ZNF141: variants seen among roughly 807,000 people sequenced by gnomAD.
The protein encoded by ZNF141 is zinc finger protein 141.
In ZNF141, 7 loss-of-function variants were observed where a neutral mutation model predicts 11.3. That is an observed-to-expected ratio of 0.62 (90% CI 0.35 to 1.16). The LOEUF (loss-of-function observed/expected upper bound fraction) is 1.16. Ranked by LOEUF, ZNF141 falls within the 50% of genes most tolerant of loss-of-function variation. The probability of loss-of-function intolerance (pLI) is 0.02; values close to 1 mark genes in which losing one functional copy is unlikely to be tolerated. For missense variants in ZNF141, 535 were observed against 554.0 expected, an observed-to-expected ratio of 0.97 and a Z score of 0.34; for synonymous variants, 183 against 190.7, an observed-to-expected ratio of 0.96 and a Z score of 0.33.
In ZNF141 at chr4:377,644, A is replaced by G. The variant is rs1274219383; in HGVS notation, c.*3782A>G. ...AGGTTATCAGTGCAACATTTAGATC[A>G]CTTGAGATAAGAGTAATTCACTATC... On this transcript the variant is annotated 3_prime_UTR_variant, in exon 4 of 4. Transcript: ENST00000240499. Among the ~76,000 whole-genome samples, 2 of 152,194 alleles carry G rather than the reference A, an allele frequency of 1.3e-5. No homozygotes were observed. Among genetic ancestry groups the G allele is most frequent in the African/African-American group, 2.4e-5 (1 of 41,438 alleles).
rs1008096150 is a variant in ZNF141 at position 337,839 on chromosome 4, C to G, written c.-145C>G. The G allele has an allele frequency of 2.7e-6, 3 of 1,105,368 alleles. No individual in the cohort carries two copies. Among genetic ancestry groups the G allele is most frequent in the African/African-American group, 3.2e-5 (2 of 63,224 alleles). 68.5% of individuals were successfully genotyped at this position (1,105,368 alleles called of 1,614,324 possible). ...GTCTTTGCGTCTGGCTACTACCAGA[C>G]CGCGGGTTAGGGGCTTCATCTCTCT... On this transcript the variant is annotated 5_prime_UTR_variant, in exon 1 of 4. Transcript: ENST00000240499.
rs570639890 is a variant in ZNF141, at chr4:378,835, A to ATTTTTT, written c.*4995_*5000dup. ...GTTGAATCCAAACAGTTTCTCAGTGATTTTTTTTTTTTTTTTTTTTTTTTT... is the reference window on the plus strand; with the variant it reads ...GTTGAATCCAAACAGTTTCTCAGTGATTTTTTTTTTTTTTTTTTTTTTTTTTTTTTT... On this transcript the variant is annotated 3_prime_UTR_variant, in exon 4 of 4. Coordinates refer to ENST00000240499, the MANE Select transcript of ZNF141 (RefSeq NM_003441.4). Among the ~76,000 whole-genome samples, 78 of 78,624 alleles carry ATTTTTT rather than the reference A, an allele frequency of 9.9e-4. 10 individuals are homozygous for ATTTTTT. Among genetic ancestry groups the ATTTTTT allele is most frequent in the South Asian group, 3.1e-3 (6 of 1,914 alleles). 51.6% of individuals were successfully genotyped at this position (78,624 alleles called of 152,430 possible).
intron 1 of ZNF141, among the ~76,000 whole-genome samples, chr4:339,267 C>T (rs530966762): frequency 6.6e-6 from 1 of 152,230 alleles, no homozygotes; most frequent in African/African-American, 2.4e-5. Flanking sequence ...CCCACCCAGG[C>T]TTTTGGACCA....
chr4:358,033 T>G (rs181442313), intron 3 of ZNF141, among the ~76,000 whole-genome samples: 5 of 152,026 alleles, frequency 3.3e-5, no homozygotes, highest in Admixed American at 2.0e-4. Context: ...TCTTTAAGTT[T>G]TAATTAGGAA....
intron 3 of ZNF141, among the ~76,000 whole-genome samples, chr4:362,555 A>G (rs1005230334): frequency 6.6e-5 from 10 of 152,304 alleles, no homozygotes; most frequent in Non-Finnish European, 1.5e-4. Flanking sequence ...TAATTTTTGT[A>G]TAAGGCGTAA....
chr4:344,435 G>C lies in ZNF141; in HGVS notation c.226+5G>C. On this transcript the variant is annotated splice_donor_5th_base_variant and intron_variant, in intron 3 of 3. Coordinates refer to ENST00000240499, the MANE Select transcript of ZNF141 (RefSeq NM_003441.4). ...AGATCGTAGCCAGACCCCCAGGTAG[G>C]TGAGAGTGAATGGAGGAGAGGGCAC... is the stretch of plus-strand genomic sequence containing the variant. The C allele has an allele frequency of 6.2e-7, 1 of 1,603,440 alleles. No homozygotes were observed. The highest frequency in any genetic ancestry group is 8.5e-7 in the Non-Finnish European group (1 of 1,172,754).
chr4:369,639 G>A (rs782607415), intron 3 of ZNF141, among the ~76,000 whole-genome samples: 5 of 143,944 alleles, frequency 3.5e-5, no homozygotes, highest in African/African-American at 1.3e-4. Flanking sequence ...CTTCCTGTTT[G>A]TCTTTTAGAT....
At chr4:365,797 C>T (rs552366135) in intron 3 of ZNF141, among the ~76,000 whole-genome samples, 7 of 152,160 alleles carry the variant, frequency 4.6e-5, no homozygotes, top group East Asian at 1.9e-4. Flanking sequence ...TCTTTATTTG[C>T]GATTGAGTTT....
chr4:369,767 T>TATATATATATATATA (rs1358374793), intron 3 of ZNF141, among the ~76,000 whole-genome samples: 1 of 66,278 alleles, frequency 1.5e-5, no homozygotes, highest in Non-Finnish European at 3.1e-5. Context: ...TATATATATT[T>TATATATATATATATA]TTTTTTTTTT....
chr4:373,561 C>G lies in ZNF141; in HGVS notation c.1124C>G (p.Ala375Gly). The G allele has an allele frequency of 6.2e-7, 1 of 1,613,312 alleles. No homozygotes were observed. The highest frequency in any genetic ancestry group is 8.5e-7 in the Non-Finnish European group (1 of 1,179,780). ...TACAAATGTGATGAATGTGGCAAAGCCTTTGGACGGTCCAGGGTCCTGAAT... is the reference window on the plus strand; with the variant it reads ...TACAAATGTGATGAATGTGGCAAAGGCTTTGGACGGTCCAGGGTCCTGAAT... ...RPYKCDECGK[A>G]FGRSRVLNEH... Residue 375 changes from alanine to glycine, a missense_variant, in exon 4 of 4, where the codon GCC becomes GGC. Coordinates refer to ENST00000240499, the MANE Select transcript of ZNF141 (RefSeq NM_003441.4).
chr4:337,907 C>A lies in ZNF141; in HGVS notation c.-77C>A. On this transcript the variant is annotated 5_prime_UTR_variant, in exon 1 of 4. Coordinates refer to ENST00000240499, the MANE Select transcript of ZNF141 (RefSeq NM_003441.4). ...AGGCCTTGGTGATTCGGCCACAGCTCAGCCTCCGTCGCTCTGTGACCTGCG... is the reference window on the plus strand; with the variant it reads ...AGGCCTTGGTGATTCGGCCACAGCTAAGCCTCCGTCGCTCTGTGACCTGCG... 2 of 1,510,630 alleles carry A rather than the reference C, an allele frequency of 1.3e-6. No homozygotes were observed. The highest frequency in any genetic ancestry group is 1.8e-6 in the Non-Finnish European group (2 of 1,091,764). 93.6% of individuals were successfully genotyped at this position (1,510,630 alleles called of 1,614,324 possible).
At chr4:348,328 A>G (rs917749912) in intron 3 of ZNF141, among the ~76,000 whole-genome samples, 3 of 152,160 alleles carry the variant, frequency 2.0e-5, no homozygotes, top group Admixed American at 6.5e-5. Context: ...TGCCGAGACC[A>G]ATATCAACAA....
chr4:354,793 T>C (rs782202652), intron 3 of ZNF141, among the ~76,000 whole-genome samples: 11 of 152,138 alleles, frequency 7.2e-5, no homozygotes, highest in Non-Finnish European at 1.3e-4. Context: ...CTTTGACCCA[T>C]TGGTTGTTCA....
chr4:345,719 ACT>A (rs1451345226), intron 3 of ZNF141, among the ~76,000 whole-genome samples: 1 of 133,796 alleles, frequency 7.5e-6, no homozygotes, highest in South Asian at 2.4e-4. Context: ...CAAGAGTGAA[ACT>A]CTGTCTCCAA....
At chr4:345,106 G>A (rs1356941699) in intron 3 of ZNF141, among the ~76,000 whole-genome samples, 3 of 151,996 alleles carry the variant, frequency 2.0e-5, no homozygotes, top group Admixed American at 6.6e-5. Context: ...TATTCTTTTC[G>A]TATTATGTCT....
chr4:366,590 C>G (rs1246501982), intron 3 of ZNF141, among the ~76,000 whole-genome samples: 4 of 152,228 alleles, frequency 2.6e-5, no homozygotes, highest in Non-Finnish European at 5.9e-5. Flanking sequence ...GCGTGAGCCA[C>G]CACACCCAGC....
chr4:337,968 C>T lies in ZNF141; in HGVS notation c.-16C>T, dbSNP rs782177686. On this transcript the variant is annotated 5_prime_UTR_variant, in exon 1 of 4. Coordinates refer to ENST00000240499, the MANE Select transcript of ZNF141 (RefSeq NM_003441.4). The stretch of plus-strand genomic sequence containing the variant: ...GATTGGTAGCTAAGACTCCCGAATA[C>T]TTCAGAAGTGGGGAAATGGTGAGTG... 1.9e-6 allele frequency: 3 copies of T among 1,613,202 alleles called. No individual in the cohort carries two copies. The highest frequency in any genetic ancestry group is 2.2e-5 in the East Asian group (1 of 44,822).
chr4:338,097 C>G, intron 1 of ZNF141, 111 bp downstream of exon 1: 1 of 1,481,052 alleles, frequency 6.8e-7, no homozygotes, highest in Non-Finnish European at 9.3e-7. Flanking sequence ...GCCGCTCAGC[C>G]CTGGGGCCTC....
rs781868732 is a variant in ZNF141 at position 343,901 on chromosome 4, C to G, written c.123C>G (p.Val41=). ...TGTTGGAGAACTACAGGAACCTGGTCTCCCTGGGTGAGGATAACTTCAATA... is the reference window on the plus strand; with the variant it reads ...TGTTGGAGAACTACAGGAACCTGGTGTCCCTGGGTGAGGATAACTTCAATA... ...DVMLENYRNL[V]SLGVAISNPD... Residue 41 remains valine (V), a synonymous_variant, in exon 2 of 4, where the codon GTC becomes GTG. Coordinates refer to ENST00000240499, the MANE Select transcript of ZNF141 (RefSeq NM_003441.4). The G allele has an allele frequency of 3.1e-6, 5 of 1,602,212 alleles. No individual in the cohort carries two copies. The highest frequency in any genetic ancestry group is 4.2e-6 in the Non-Finnish European group (5 of 1,177,364).
Sources: allele counts gnomAD v4.1 joint callset (sites outside exome capture counted in the v4.1 genomes callset), GRCh38; gene constraint gnomAD v4.1.1; transcripts MANE v1.5; gene names NCBI Gene and HGNC (gene_info 2026-07-23, HGNC 2026-07-21).